AMZ1: variants seen among roughly 807,000 people sequenced by gnomAD.
AMZ1 encodes archaelysin family metallopeptidase 1.
A neutral mutation model predicts 29.9 loss-of-function variants in AMZ1; 39 were observed. The ratio of observed to expected loss-of-function variants is 1.30; its 90% CI spans 1.01 to 1.70. The LOEUF is 1.70. Among genes scored for constraint, AMZ1 ranks in the 40% most tolerant of loss-of-function variants. AMZ1 has a pLI of 0.00. For synonymous variants in AMZ1, 458 were observed against 304.0 expected (o/e 1.51, Z -5.27); for missense variants, 1,041 against 680.6 (o/e 1.53, Z -5.89).
At chr7:2,693,608 T>G (rs554825240) in intron 1 of AMZ1, among the ~76,000 whole-genome samples, 16 of 152,312 alleles carry the variant, frequency 1.1e-4, no homozygotes, top group African/African-American at 3.6e-4. Context: ...CAGACTGGAG[T>G]GCAGTGGCGC....
rs953178789 is a variant in AMZ1, at chr7:2,717,807, A to G, written c.*4929A>G. 5.3e-5 allele frequency among the ~76,000 whole-genome samples: 8 copies of G among 152,188 alleles called. No homozygotes were observed. The highest frequency in any genetic ancestry group is 2.0e-4 in the Admixed American group (3 of 15,276). On this transcript the variant is annotated 3_prime_UTR_variant, in exon 7 of 7. Coordinates refer to ENST00000683327, the MANE Select transcript of AMZ1 (RefSeq NM_001384743.1). ...AGAATGGAGGTTTATTTTTGAACTC[A>G]GCTTCTTGGGTAGGGAGGCAAATGA...
chr7:2,738,028 G>C (rs558275498), intron 4 of AMZ1, among the ~76,000 whole-genome samples: 1 of 152,306 alleles, frequency 6.6e-6, no homozygotes, highest in South Asian at 2.1e-4. Context: ...TTCTGGAAAA[G>C]AGATACAACA....
chr7:2,720,853 T>C (rs577983333), downstream of AMZ1, among the ~76,000 whole-genome samples: 1 of 152,106 alleles, frequency 6.6e-6, no homozygotes, highest in Admixed American at 6.5e-5. Flanking sequence ...TAAAAACTTG[T>C]TTTTGGTAGA....
rs189607352 is a variant in AMZ1, at chr7:2,692,084, C to T, written c.-219+3788C>T. 2.2e-4 allele frequency among the ~76,000 whole-genome samples: 34 copies of T among 152,280 alleles called. 1 individual carries two copies. Among genetic ancestry groups the T allele is most frequent in the South Asian group, 6.2e-4 (3 of 4,816 alleles). ...GAAGCCGGTGAGCAGGTCATGTCAC[C>T]GGTACCCAGAAACTACAAAAATAAG... On this transcript the variant is annotated intron_variant, in intron 1 of 6. Transcript: ENST00000683327.
At chr7:2,721,974 C>T (rs1170382830), downstream of AMZ1, among the ~76,000 whole-genome samples, 2 of 152,230 alleles carry the variant, frequency 1.3e-5, no homozygotes, top group African/African-American at 4.8e-5. Context: ...GGCATGATGG[C>T]CCGGCGCAGG....
intron 4 of AMZ1, among the ~76,000 whole-genome samples, chr7:2,746,702 A>G (rs1473159259): frequency 6.6e-6 from 1 of 152,044 alleles, no homozygotes; most frequent in African/African-American, 2.4e-5. Context: ...GACACAAAAA[A>G]CCCTTCAAAA....
intron 4 of AMZ1, among the ~76,000 whole-genome samples, chr7:2,759,303 C>T (rs1298408840): frequency 6.6e-6 from 1 of 152,134 alleles, no homozygotes; most frequent in Non-Finnish European, 1.5e-5. Context: ...CAAAAGGAAA[C>T]AAAGCGCTAG....
intron 3 of AMZ1, among the ~76,000 whole-genome samples, chr7:2,708,128 G>T (rs762299904): frequency 6.6e-6 from 1 of 152,076 alleles, no homozygotes; most frequent in African/African-American, 2.4e-5. Context: ...CGGCCTTACC[G>T]AGGGTTCTTG....
rs1406258222 is a variant in AMZ1 at position 2,712,505 on chromosome 7, A to C, written c.1124A>C (p.His375Pro). The C allele has an allele frequency of 6.2e-7, 1 of 1,608,884 alleles. No individual in the cohort carries two copies. Among genetic ancestry groups the C allele is most frequent in the Non-Finnish European group, 8.5e-7 (1 of 1,178,110 alleles). ...CCCCTCACCCCTGATGCCGGGAGTCACACCTTCGCCTCGGGGCCAGAGGAA... is the reference window on the plus strand; with the variant it reads ...CCCCTCACCCCTGATGCCGGGAGTCCCACCTTCGCCTCGGGGCCAGAGGAA... ...SEPLTPDAGS[H>P]TFASGPEEGL... The change falls in exon 7 of 7, where the codon CAC becomes CCC. Residue 375 changes from histidine to proline, a missense_variant. Coordinates refer to ENST00000683327, the MANE Select transcript of AMZ1 (RefSeq NM_001384743.1).
Position 2,712,789 on chromosome 7 carries a change from A to G in AMZ1, c.1408A>G (p.Lys470Glu). The G allele has an allele frequency of 6.4e-7, 1 of 1,568,548 alleles. No homozygotes were observed. Among genetic ancestry groups the G allele is most frequent in the South Asian group, 1.2e-5 (1 of 84,198 alleles). The change falls in exon 7 of 7, where the codon AAG (lysine) becomes GAG (glutamate). Residue 470 changes from lysine to glutamate, a missense_variant. Transcript: ENST00000683327. ...SVGLRKVLGD[K>E]FSSLRRKLSA... ...GGGGCTGCGCAAGGTGCTGGGGGACAAGTTCTCCTCCCTGAGGAGGAAGCT... is the reference window on the plus strand; with the variant it reads ...GGGGCTGCGCAAGGTGCTGGGGGACGAGTTCTCCTCCCTGAGGAGGAAGCT...
intron 4 of AMZ1, among the ~76,000 whole-genome samples, chr7:2,738,186 G>A (rs752782703): frequency 1.8e-4 from 28 of 152,188 alleles, no homozygotes; most frequent in South Asian, 6.2e-4. Context: ...TTGGGAGGCC[G>A]AGGCAATCAC....
At chr7:2,709,274 G>A (rs776236822) in intron 5 of AMZ1, 30 bp downstream of exon 5, 1 of 1,478,368 alleles carries the variant, frequency 6.8e-7, no homozygotes, top group South Asian at 1.4e-5. Context: ...CTGGTAAGAG[G>A]GGACAGGAGG....
At chr7:2,703,025 G>A in intron 3 of AMZ1, 136 bp downstream of exon 3, 5 of 1,289,034 alleles carry the variant, frequency 3.9e-6, no homozygotes, top group Non-Finnish European at 3.1e-6. Context: ...CCAGGTGTTT[G>A]GGAAGCAGGA....
chr7:2,681,096 C>A (rs114671760), intron 1 of AMZ1, among the ~76,000 whole-genome samples: 1 of 152,220 alleles, frequency 6.6e-6, no homozygotes, highest in Non-Finnish European at 1.5e-5. Flanking sequence ...CTTAGAACTA[C>A]GTTTCAGAGT....
At position 2,717,759 on chromosome 7, in the gene AMZ1, A is replaced by T. The variant is rs1789214937; in HGVS notation, c.*4881A>T. ...CCCTTTTCTGACATCCTACAGCAGCACCTTGATGAATGAGAACCCGGAAGA... is the reference window on the plus strand; with the variant it reads ...CCCTTTTCTGACATCCTACAGCAGCTCCTTGATGAATGAGAACCCGGAAGA... On this transcript the variant is annotated 3_prime_UTR_variant, in exon 7 of 7. Transcript: ENST00000683327. Among the ~76,000 whole-genome samples the T allele has an allele frequency of 6.6e-6, 1 of 152,148 alleles. No individual in the cohort carries two copies. Among genetic ancestry groups the T allele is most frequent in the African/African-American group, 2.4e-5 (1 of 41,426 alleles).
At chr7:2,699,775 C>T (rs1230499845) in intron 1 of AMZ1, among the ~76,000 whole-genome samples, 1 of 152,170 alleles carries the variant, frequency 6.6e-6, no homozygotes, top group East Asian at 1.9e-4. Context: ...ATTTGGTTTC[C>T]ACCTGGAGGG....
At position 2,715,847 on chromosome 7, in the gene AMZ1, G is replaced by A. The variant is rs1349840191; in HGVS notation, c.*2969G>A. On this transcript the variant is annotated 3_prime_UTR_variant, in exon 7 of 7. Coordinates refer to ENST00000683327, the MANE Select transcript of AMZ1 (RefSeq NM_001384743.1). ...AGCTCACGAATCTTTCTAAACTTAA[G>A]TGCTGCAGAAGTTGAACTGAGATTA... 6.6e-6 allele frequency: 1 copy of A among 152,228 alleles called. No individual in the cohort carries two copies. The highest frequency in any genetic ancestry group is 6.5e-5 in the Admixed American group (1 of 15,282). The allele number at this position is 152,228 out of a possible 1,614,324, so 9.4% of individuals were successfully genotyped here.
intron 2 of AMZ1, chr7:2,702,009 G>A (rs957600593): frequency 1.3e-5 from 2 of 152,444 alleles, no homozygotes; most frequent in African/African-American, 4.8e-5. Flanking sequence ...AGGAGGTGGG[G>A]ACTGGGCCAG....
chr7:2,763,190 CAACACACACA>C (rs946713001), upstream of AMZ1: 55 of 307,860 alleles, frequency 1.8e-4, no homozygotes, highest in African/African-American at 2.8e-3. Flanking sequence ...CAAGACACCC[CAACACACACA>C]CACACACACA....
Sources: allele counts gnomAD v4.1 joint callset (sites outside exome capture counted in the v4.1 genomes callset), GRCh38; gene constraint gnomAD v4.1.1; transcripts MANE v1.5; gene names NCBI Gene and HGNC (gene_info 2026-07-23, HGNC 2026-07-21).